The following RABGAP1L variants were observed in gnomAD, a reference collection of about 807,000 sequenced individuals.
RABGAP1L encodes the protein RAB GTPase activating protein 1 like, also known as rab GTPase-activating protein 1-like.
A neutral mutation model predicts 137.7 loss-of-function variants in RABGAP1L; 63 were observed. The ratio of observed to expected loss-of-function variants is 0.46; its 90% CI spans 0.37 to 0.56. The LOEUF (loss-of-function observed/expected upper bound fraction) is 0.56. Among genes scored for constraint, RABGAP1L ranks in the 20% least tolerant of loss-of-function variants. RABGAP1L has a pLI of 0.00. For missense variants in RABGAP1L, 1,095 were observed against 1,244.0 expected (o/e 0.88, Z 1.80); for synonymous variants, 431 against 433.7 (o/e 0.99, Z 0.08).
intron 17 of RABGAP1L, among the ~76,000 whole-genome samples, chr1:174,721,655 A>G (rs768557864): frequency 2.0e-5 from 3 of 152,232 alleles, no homozygotes; most frequent in Non-Finnish European, 4.4e-5. Flanking sequence ...ATTTAGGGGA[A>G]GAACAAGATG....
rs193001487 is a variant in RABGAP1L at position 174,252,171 on chromosome 1, A to G, written c.876-309A>G. Among the ~76,000 whole-genome samples, 220 of 152,328 alleles carry G rather than the reference A, an allele frequency of 1.4e-3. 1 individual carries two copies. The highest frequency in any genetic ancestry group is 4.1e-3 in the South Asian group (20 of 4,826). On this transcript the variant is annotated intron_variant, in intron 6 of 25. Coordinates refer to ENST00000681986, the MANE Select transcript of RABGAP1L (RefSeq NM_001366446.1). ...TGGCCTCCCAAAGTGCTGGGATTAC[A>G]GGCGTAAGCCACCGTGCTTGGCCAT...
intron 1 of RABGAP1L, among the ~76,000 whole-genome samples, chr1:174,184,145 G>T (rs1409537066): frequency 2.0e-5 from 3 of 152,248 alleles, no homozygotes; most frequent in Non-Finnish European, 2.9e-5. Flanking sequence ...GGGATTACAG[G>T]TGTGAGCCAC....
At chr1:174,783,272 G>T (rs992376753) in intron 18 of RABGAP1L, among the ~76,000 whole-genome samples, 5 of 152,138 alleles carry the variant, frequency 3.3e-5, no homozygotes, top group Admixed American at 1.3e-4. Flanking sequence ...GGGTTCAACG[G>T]TTCTATTCCG....
At chr1:174,940,678 T>G (rs1366272354) in intron 19 of RABGAP1L, among the ~76,000 whole-genome samples, 1 of 152,214 alleles carries the variant, frequency 6.6e-6, no homozygotes, top group Middle Eastern at 3.2e-3. Flanking sequence ...TTTTAAAACC[T>G]CAGTGATCTC....
At chr1:174,680,825 C>T (rs183091845) in intron 14 of RABGAP1L, among the ~76,000 whole-genome samples, 1 of 152,022 alleles carries the variant, frequency 6.6e-6, no homozygotes, top group East Asian at 1.9e-4. Context: ...GCCTGGGAGG[C>T]AGAGGCTGTA....
At chr1:174,925,883 TTTTGTG>T (rs1662734008) in intron 19 of RABGAP1L, among the ~76,000 whole-genome samples, 1 of 142,862 alleles carries the variant, frequency 7.0e-6, no homozygotes, top group African/African-American at 2.5e-5. Flanking sequence ...TTTGTTTTTT[TTTTGTG>T]TTTTTTTTTT....
intron 18 of RABGAP1L, among the ~76,000 whole-genome samples, chr1:174,808,428 T>A (rs1158839895): frequency 6.6e-6 from 1 of 152,092 alleles, no homozygotes; most frequent in African/African-American, 2.4e-5. Context: ...TACTCCAGCC[T>A]GGGCAACAAA....
chr1:174,463,475 AC>A (rs1434541113), intron 13 of RABGAP1L, among the ~76,000 whole-genome samples: 1 of 151,218 alleles, frequency 6.6e-6, no homozygotes, highest in Admixed American at 6.6e-5. Flanking sequence ...GATCACATGG[AC>A]ACAGGAAGGG....
intron 18 of RABGAP1L, among the ~76,000 whole-genome samples, chr1:174,790,916 C>T (rs1573211606): frequency 6.6e-6 from 1 of 151,732 alleles, no homozygotes; most frequent in Admixed American, 6.6e-5. Context: ...TGAGGCTGAG[C>T]GTGGTGGCTT....
intron 18 of RABGAP1L, among the ~76,000 whole-genome samples, chr1:174,771,425 A>G (rs1352949416): frequency 6.6e-6 from 1 of 152,130 alleles, no homozygotes; most frequent in Non-Finnish European, 1.5e-5. Flanking sequence ...TATAATTTGC[A>G]TGTTTGTTGT....
rs115903246 is a variant in RABGAP1L, at chr1:174,296,793, A to T, written c.1324-8193A>T. 3.8e-3 allele frequency among the ~76,000 whole-genome samples: 586 copies of T among 152,276 alleles called. 6 individuals carry two copies. Among genetic ancestry groups the T allele is most frequent in the African/African-American group, 0.014 (568 of 41,562 alleles). On this transcript the variant is annotated intron_variant, in intron 10 of 25. Coordinates refer to ENST00000681986, the MANE Select transcript of RABGAP1L (RefSeq NM_001366446.1). The stretch of plus-strand genomic sequence containing the variant: ...TGATACCAGCTGTTGCTACTCTGAT[A>T]AATTGCTTAAGAAATGATTTAATGG...
intron 19 of RABGAP1L, among the ~76,000 whole-genome samples, chr1:174,928,623 T>C (rs1425328801): frequency 6.6e-6 from 1 of 152,116 alleles, no homozygotes; most frequent in African/African-American, 2.4e-5. Flanking sequence ...GGGAAATGAT[T>C]CTAATGATTG....
intron 12 of RABGAP1L, among the ~76,000 whole-genome samples, chr1:174,374,347 C>G (rs188309856): frequency 6.6e-6 from 1 of 151,996 alleles, no homozygotes; most frequent in Non-Finnish European, 1.5e-5. Flanking sequence ...CATAGTCTTC[C>G]GTTGTGGCCA....
chr1:174,951,002 A>G (rs748749903), intron 19 of RABGAP1L, among the ~76,000 whole-genome samples: 3 of 152,212 alleles, frequency 2.0e-5, no homozygotes, highest in Admixed American at 1.3e-4. Context: ...GACTGGCCCA[A>G]TGTTAAAACT....
chr1:174,361,217 C>T lies in RABGAP1L; in HGVS notation c.1466-9762C>T, dbSNP rs1028160479. ...ATTTGAAGTCAGTAATGTGATTGCT[C>T]CAGTTTTGTTTTTTTTTTTTTTTGC... On this transcript the variant is annotated intron_variant, in intron 11 of 25. Transcript: ENST00000681986. Among the ~76,000 whole-genome samples the T allele has an allele frequency of 2.8e-5, 4 of 142,224 alleles. No homozygotes were observed. The Admixed American group carries it at 2.8e-4, about 10-fold the overall frequency. The allele number at this position is 142,224 out of a possible 152,430, so 93.3% of individuals were successfully genotyped here.
At chr1:174,319,067 CT>C (rs1219542300) in intron 11 of RABGAP1L, among the ~76,000 whole-genome samples, 3 of 151,908 alleles carry the variant, frequency 2.0e-5, no homozygotes, top group African/African-American at 7.3e-5. Context: ...TTTGTACTTA[CT>C]TTTTTCAGTA....
chr1:174,587,894 C>A (rs1466979788), intron 13 of RABGAP1L, among the ~76,000 whole-genome samples: 1 of 152,122 alleles, frequency 6.6e-6, no homozygotes, highest in Non-Finnish European at 1.5e-5. Flanking sequence ...AACAGAGTGT[C>A]ACTTTGTCAC....
intron 11 of RABGAP1L, among the ~76,000 whole-genome samples, chr1:174,308,254 T>TAC (rs1300840796): frequency 6.6e-6 from 1 of 151,998 alleles, no homozygotes; most frequent in Non-Finnish European, 1.5e-5. Flanking sequence ...TCTGTATATA[T>TAC]ACACACACAT....
At chr1:174,818,178 T>C (rs541848211) in intron 19 of RABGAP1L, among the ~76,000 whole-genome samples, 2 of 152,244 alleles carry the variant, frequency 1.3e-5, no homozygotes, top group African/African-American at 2.4e-5. Context: ...TAGCGGAGTA[T>C]ATACAATGAG....
Sources: gnomAD v4.1 joint callset for allele counts (sites outside exome capture counted in the v4.1 genomes callset) on GRCh38, gnomAD v4.1.1 for gene constraint, MANE v1.5 for transcripts, NCBI Gene and HGNC (gene_info 2026-07-23, HGNC 2026-07-21) for gene names.